Variants in TULP4 observed in about 807,000 individuals in gnomAD.
TULP4 encodes the protein tubby-related protein 4.
Under a neutral mutation model 129.0 loss-of-function variants are expected in TULP4, and 16 were observed. The observed-to-expected ratio is 0.12, with a 90% CI of 0.08 to 0.19. The LOEUF (loss-of-function observed/expected upper bound fraction) is 0.19. TULP4 is among the 10% of genes least tolerant of loss of function. The pLI is 1.00. For synonymous variants in TULP4, 998 were observed against 854.0 expected (o/e 1.17, Z -2.94); for missense variants, 1,842 against 2,059.1 (o/e 0.89, Z 2.04).
chr6:158,375,317 C>T (rs1339887102), intron 1 of TULP4, among the ~76,000 whole-genome samples: 2 of 152,180 alleles, frequency 1.3e-5, no homozygotes, highest in Non-Finnish European at 2.9e-5. Flanking sequence ...GGCAATTCAG[C>T]GTGTTCCTTT....
chr6:158,459,865 A>C (rs540229909), intron 5 of TULP4, among the ~76,000 whole-genome samples: 40 of 152,264 alleles, frequency 2.6e-4, no homozygotes, highest in African/African-American at 8.9e-4. Flanking sequence ...ACGTCATCTC[A>C]GTTTCCTGAT....
intron 1 of TULP4, among the ~76,000 whole-genome samples, chr6:158,292,130 T>C (rs117709697): frequency 0.031 from 4,652 of 152,324 alleles, 94 homozygotes; most frequent in Non-Finnish European, 0.041. Flanking sequence ...TGCTCTGATA[T>C]ACAAGGATGT....
chr6:158,343,066 A>G (rs1780219385), intron 1 of TULP4, among the ~76,000 whole-genome samples: 2 of 151,560 alleles, frequency 1.3e-5, no homozygotes, highest in African/African-American at 2.4e-5. Flanking sequence ...ATGGAGGACA[A>G]AGGGGGTTCC....
At position 158,374,105 on chromosome 6, in the gene TULP4, C is replaced by T. The variant is rs1052907631; in HGVS notation, c.253-38960C>T. Among the ~76,000 whole-genome samples the T allele has an allele frequency of 3.3e-5, 5 of 152,004 alleles. No homozygotes were observed. In the South Asian group the frequency reaches 6.2e-4, roughly 19 times the overall value. On this transcript the variant is annotated intron_variant, in intron 1 of 13. Coordinates refer to ENST00000367097, the MANE Select transcript of TULP4 (RefSeq NM_020245.5). The stretch of plus-strand genomic sequence containing the variant: ...TATTAATAACATAATGATGCAAAGT[C>T]CTGCTCAGATGCAGATATTCATCAG...
intron 3 of TULP4, among the ~76,000 whole-genome samples, chr6:158,446,302 C>T (rs1233130364): frequency 6.6e-6 from 1 of 152,110 alleles, no homozygotes; most frequent in Non-Finnish European, 1.5e-5. Context: ...GTCAGTGCTG[C>T]GTTTCCCATT....
chr6:158,309,568 G>A (rs181068543), upstream of TULP4, among the ~76,000 whole-genome samples: 2 of 152,180 alleles, frequency 1.3e-5, no homozygotes, highest in Admixed American at 6.5e-5. Context: ...GTAGCAAGCC[G>A]AGATCATGCC....
intron 1 of TULP4, among the ~76,000 whole-genome samples, chr6:158,324,233 A>G (rs1562520338): frequency 1.3e-5 from 2 of 152,222 alleles, no homozygotes; most frequent in Non-Finnish European, 1.5e-5. Flanking sequence ...TAGTGTGTGA[A>G]TGAAGTCAAC....
At chr6:158,447,006 G>A (rs1015065203) in intron 3 of TULP4, among the ~76,000 whole-genome samples, 2 of 152,080 alleles carry the variant, frequency 1.3e-5, no homozygotes, top group African/African-American at 4.8e-5. Flanking sequence ...GTCCATAATA[G>A]TCCATCGCCT....
At chr6:158,426,847 C>A (rs544950685) in intron 2 of TULP4, among the ~76,000 whole-genome samples, 1 of 152,132 alleles carries the variant, frequency 6.6e-6, no homozygotes. Context: ...TCTTCCTATC[C>A]GTGAGCATGT....
chr6:158,369,102 T>G (rs1265061856), intron 1 of TULP4, among the ~76,000 whole-genome samples: 1 of 152,252 alleles, frequency 6.6e-6, no homozygotes, highest in African/African-American at 2.4e-5. Flanking sequence ...AGGTCATGAT[T>G]ATAACTTCAA....
At chr6:158,364,830 A>G (rs985078002) in intron 1 of TULP4, among the ~76,000 whole-genome samples, 5 of 152,052 alleles carry the variant, frequency 3.3e-5, no homozygotes, top group African/African-American at 7.2e-5. Context: ...TCTGCCTCCC[A>G]GGTTGACGCC....
At position 158,313,872 on chromosome 6, in the gene TULP4, T is replaced by C. The variant is rs1779422830; in HGVS notation, c.-145T>C. ...GGATCTTTATAAAATACTGACCTTC[T>C]AATTAGATTCAGGTCAGTCTTAATT... On this transcript the variant is annotated 5_prime_UTR_variant, in exon 1 of 14. The change abolishes the stop of an existing upstream ORF in the 5' untranslated region. Coordinates refer to ENST00000367097, the MANE Select transcript of TULP4 (RefSeq NM_020245.5). The C allele has an allele frequency of 9.3e-6, 8 of 862,836 alleles. No homozygotes were observed. The highest frequency in any genetic ancestry group is 8.7e-6 in the Non-Finnish European group (5 of 577,756). 53.4% of individuals were successfully genotyped at this position (862,836 alleles called of 1,614,324 possible).
chr6:158,403,476 A>T (rs1777900070), intron 1 of TULP4, among the ~76,000 whole-genome samples: 2 of 152,228 alleles, frequency 1.3e-5, no homozygotes, highest in South Asian at 4.2e-4. Context: ...AGTAGCTGGG[A>T]TTACAGGCAT....
intron 1 of TULP4, among the ~76,000 whole-genome samples, chr6:158,319,909 T>C (rs749277431): frequency 1.4e-4 from 22 of 152,174 alleles, no homozygotes; most frequent in Non-Finnish European, 2.8e-4. Flanking sequence ...GGTAAATATG[T>C]TAATGGTTCT....
At chr6:158,387,990 C>T (rs553246034) in intron 1 of TULP4, among the ~76,000 whole-genome samples, 1 of 152,258 alleles carries the variant, frequency 6.6e-6, no homozygotes, top group South Asian at 2.1e-4. Flanking sequence ...GTAACTCAGA[C>T]TTCTCCAACA....
chr6:158,418,087 T>TTGTG lies in TULP4; in HGVS notation c.381+4904_381+4907dup, dbSNP rs199802918. On this transcript the variant is annotated intron_variant, in intron 2 of 13. Coordinates refer to ENST00000367097, the MANE Select transcript of TULP4 (RefSeq NM_020245.5). The stretch of plus-strand genomic sequence containing the variant: ...TAAAAGAACTGGAGTTTCTGCCTTT[T>TTGTG]TGTGTGTGTGTGTTTTTTTTTTTTT... Among the ~76,000 whole-genome samples, 47 of 149,354 alleles carry TTGTG rather than the reference T, an allele frequency of 3.1e-4. 1 individual carries two copies. The East Asian group carries it at 8.9e-3, about 28-fold the overall frequency.
rs576135018 is a variant in TULP4 at position 158,438,788 on chromosome 6, T to C, written c.543+8891T>C. 1.9e-3 allele frequency among the ~76,000 whole-genome samples: 289 copies of C among 152,196 alleles called. 1 individual carries two copies. Among genetic ancestry groups the C allele is most frequent in the Admixed American group, 3.4e-3 (52 of 15,282 alleles). ...TTAGTAGAGACAGGGTTTCACCATA[T>C]TGGCCAGGCTGGTCTTGAACTCCTG... On this transcript the variant is annotated intron_variant, in intron 3 of 13. Coordinates refer to ENST00000367097, the MANE Select transcript of TULP4 (RefSeq NM_020245.5).
chr6:158,373,827 G>C (rs1195554673), intron 1 of TULP4, among the ~76,000 whole-genome samples: 1 of 152,124 alleles, frequency 6.6e-6, no homozygotes, highest in Non-Finnish European at 1.5e-5. Context: ...GCTGTGTTCT[G>C]GTGGTTGAAG....
intron 3 of TULP4, among the ~76,000 whole-genome samples, chr6:158,433,642 C>A (rs1442632706): frequency 1.3e-5 from 2 of 152,192 alleles, no homozygotes; most frequent in Non-Finnish European, 2.9e-5. Flanking sequence ...ACCCAGGAGG[C>A]ATTGCAGTGA....
Sources: allele counts gnomAD v4.1 joint callset (sites outside exome capture counted in the v4.1 genomes callset), GRCh38; gene constraint gnomAD v4.1.1; transcripts MANE v1.5; gene names NCBI Gene and HGNC (gene_info 2026-07-23, HGNC 2026-07-21).